Variants in FERMT2 observed in about 807,000 individuals in gnomAD.
FERMT2 encodes the protein fermitin family homolog 2.
In FERMT2, 15 loss-of-function variants were observed where a neutral mutation model predicts 82.7. That is an observed-to-expected ratio of 0.18 (90% CI 0.12 to 0.28). FERMT2 has a LOEUF of 0.28. FERMT2 is among the 10% of genes least tolerant of loss of function. The pLI is 1.00. For synonymous variants in FERMT2, 274 were observed against 271.5 expected (o/e 1.01, Z -0.09); for missense variants, 645 against 809.4 (o/e 0.80, Z 2.46).
rs555673679 is a variant in FERMT2, at chr14:52,905,243, T to A, written c.392-11816A>T. Among the ~76,000 whole-genome samples, 32 of 149,238 alleles carry A rather than the reference T, an allele frequency of 2.1e-4. No homozygotes were observed. In the South Asian group the frequency reaches 6.8e-3, roughly 32 times the overall value. The stretch of plus-strand genomic sequence containing the variant: ...GAAAAACATCAACAGATACCTAAAA[T>A]TGATAAATCAAGAAGTAACAGTATA... On this transcript the variant is annotated intron_variant, in intron 3 of 14. Coordinates refer to ENST00000341590, the MANE Select transcript of FERMT2 (RefSeq NM_006832.3).
Position 52,888,863 on chromosome 14 carries a change from T to C in FERMT2, c.526+4430A>G, listed in dbSNP as rs186274490. ...GTTGGAGAATTTAAATTTTAATTAA[T>C]TTTTTTTTTCTTTAAGGTAAACAAG... is the stretch of plus-strand genomic sequence containing the variant. On this transcript the variant is annotated intron_variant, in intron 4 of 14. Transcript: ENST00000341590. 3.2e-4 allele frequency among the ~76,000 whole-genome samples: 48 copies of C among 151,922 alleles called. No homozygotes were observed. The East Asian group carries it at 7.3e-3, about 23-fold the overall frequency.
chr14:52,879,961 T>C (rs188768394), intron 6 of FERMT2, among the ~76,000 whole-genome samples: 51 of 152,252 alleles, frequency 3.3e-4, no homozygotes, highest in African/African-American at 1.2e-3. Flanking sequence ...GAAAAAAATG[T>C]AGACCTAAGA....
intron 2 of FERMT2, among the ~76,000 whole-genome samples, chr14:52,942,459 C>T (rs549505500): frequency 6.8e-4 from 103 of 152,004 alleles, no homozygotes; most frequent in African/African-American, 2.1e-3. Flanking sequence ...CCCACCACCA[C>T]GCCCAGCTAA....
intron 2 of FERMT2, among the ~76,000 whole-genome samples, chr14:52,938,337 A>C (rs981758998): frequency 2.6e-5 from 4 of 152,240 alleles, no homozygotes; most frequent in Admixed American, 2.0e-4. Flanking sequence ...ATGGTATTTG[A>C]AGGATAACTG....
Position 52,860,249 on chromosome 14 carries a change from G to T in FERMT2, c.1727+92C>A. ...AATATGAGTTAATGGGTCTACATAGGTATGCTTTAGATGTTTAATATCTAA... is the reference window on the plus strand; with the variant it reads ...AATATGAGTTAATGGGTCTACATAGTTATGCTTTAGATGTTTAATATCTAA... On this transcript the variant is annotated intron_variant, in intron 13 of 14. Coordinates refer to ENST00000341590, the MANE Select transcript of FERMT2 (RefSeq NM_006832.3). 9.4e-6 allele frequency: 10 copies of T among 1,066,844 alleles called. No individual in the cohort carries two copies. The South Asian group carries it at 1.2e-4, about 13-fold the overall frequency. The allele number at this position is 1,066,844 out of a possible 1,614,324, so 66.1% of individuals were successfully genotyped here. A position where few individuals can be genotyped will look rare whatever the true frequency, so the allele number is the denominator to read the frequency against.
chr14:52,866,099 C>T (rs1165341011), intron 10 of FERMT2, among the ~76,000 whole-genome samples: 1 of 152,116 alleles, frequency 6.6e-6, no homozygotes, highest in African/African-American at 2.4e-5. Flanking sequence ...TTACAGTACA[C>T]AATTCCATAA....
At chr14:52,929,155 T>G (rs978590177) in intron 2 of FERMT2, among the ~76,000 whole-genome samples, 3 of 152,150 alleles carry the variant, frequency 2.0e-5, no homozygotes, top group Non-Finnish European at 4.4e-5. Flanking sequence ...CTTATTATAC[T>G]AACTAGCACC....
intron 12 of FERMT2, chr14:52,861,646 T>G (rs1884945401): frequency 6.6e-6 from 1 of 152,658 alleles, no homozygotes. Context: ...GTATACTACA[T>G]GAGGAATTTC....
chr14:52,927,151 C>A (rs1174444540), intron 2 of FERMT2, among the ~76,000 whole-genome samples: 1 of 152,044 alleles, frequency 6.6e-6, no homozygotes, highest in African/African-American at 2.4e-5. Flanking sequence ...AAATAAACAT[C>A]TGTGTATTCT....
Position 52,881,595 on chromosome 14 carries a change from T to C in FERMT2, c.527-126A>G, listed in dbSNP as rs539514375. On this transcript the variant is annotated intron_variant, in intron 4 of 14. Coordinates refer to ENST00000341590, the MANE Select transcript of FERMT2 (RefSeq NM_006832.3). ...GTTTTATTCTGAAAGGAAAGCTTAG[T>C]ATATTATTTTACCTGTTATGAAAAC... is the stretch of plus-strand genomic sequence containing the variant. The C allele has an allele frequency of 2.6e-5, 22 of 853,262 alleles. No individual in the cohort carries two copies. The East Asian group carries it at 5.3e-4, about 21-fold the overall frequency. The allele number at this position is 853,262 out of a possible 1,614,324, so 52.9% of individuals were successfully genotyped here. A position where few individuals can be genotyped will look rare whatever the true frequency, so the allele number is the denominator to read the frequency against.
At chr14:52,887,887 A>G (rs889307502) in intron 4 of FERMT2, among the ~76,000 whole-genome samples, 1 of 152,168 alleles carries the variant, frequency 6.6e-6, no homozygotes, top group African/African-American at 2.4e-5. Context: ...CCTTGGGAAA[A>G]TAACTCCACT....
At chr14:52,869,672 G>T (rs2140081824) in intron 10 of FERMT2, among the ~76,000 whole-genome samples, 1 of 152,250 alleles carries the variant, frequency 6.6e-6, no homozygotes, top group East Asian at 1.9e-4. Context: ...TATGTTACTG[G>T]TTTATGTATT....
At chr14:52,902,844 G>C (rs959626600) in intron 3 of FERMT2, among the ~76,000 whole-genome samples, 1 of 100,950 alleles carries the variant, frequency 9.9e-6, no homozygotes, top group African/African-American at 3.9e-5. Context: ...ACTCCAGCCT[G>C]GGTGGCTGAG....
chr14:52,890,443 T>TG (rs1343424856), intron 4 of FERMT2, among the ~76,000 whole-genome samples: 15 of 140,870 alleles, frequency 1.1e-4, no homozygotes, highest in Non-Finnish European at 1.7e-4. Flanking sequence ...ACACTCCGTC[T>TG]GAAAAAAAAA....
intron 10 of FERMT2, among the ~76,000 whole-genome samples, chr14:52,869,113 G>A (rs751260637): frequency 6.6e-6 from 1 of 152,166 alleles, no homozygotes; most frequent in Non-Finnish European, 1.5e-5. Context: ...GATCATTTAC[G>A]CTGGTCCTGG....
In FERMT2 at chr14:52,858,532, C is replaced by A; in HGVS notation, c.1888G>T (p.Asp630Tyr). ...EIKMVTVEFA[D>Y]EVRLSFICTE... ...CAAATGAAGGACAATCGTACTTCATCTGCAAACTCTACGGTGACCTGGAAC... is the reference window on the plus strand; with the variant it reads ...CAAATGAAGGACAATCGTACTTCATATGCAAACTCTACGGTGACCTGGAAC... The change falls in exon 15 of 15, where the codon GAT becomes TAT. Residue 630 changes from aspartate to tyrosine, a missense_variant. By Grantham distance (160) the Asp-to-Tyr change is radical. Transcript: ENST00000341590. 6.2e-7 allele frequency: 1 copy of A among 1,614,114 alleles called. No individual in the cohort carries two copies. Among genetic ancestry groups the A allele is most frequent in the East Asian group, 2.2e-5 (1 of 44,888 alleles).
chr14:52,939,789 T>C (rs1250504130), intron 2 of FERMT2, among the ~76,000 whole-genome samples: 1 of 152,100 alleles, frequency 6.6e-6, no homozygotes, highest in Non-Finnish European at 1.5e-5. Flanking sequence ...TTAACATTGA[T>C]ACAGGAATCA....
chr14:52,950,820 G>A (rs71428504), intron 1 of FERMT2, 101 bp downstream of exon 1: 102,218 of 353,910 alleles, frequency 0.29, 15,392 homozygotes, highest in South Asian at 0.39. Flanking sequence ...GACCGCGGAG[G>A]GCTTCACCTG....
intron 8 of FERMT2, 68 bp downstream of exon 8, chr14:52,875,155 C>G: frequency 1.4e-6 from 2 of 1,380,250 alleles, no homozygotes. Flanking sequence ...TACTTTGAAC[C>G]TAAATCCACA....
Sources: allele counts gnomAD v4.1 joint callset (sites outside exome capture counted in the v4.1 genomes callset), GRCh38; gene constraint gnomAD v4.1.1; transcripts MANE v1.5; gene names NCBI Gene and HGNC (gene_info 2026-07-23, HGNC 2026-07-21).